Variants in AJAP1 observed in about 807,000 individuals in gnomAD.
AJAP1 encodes the protein adherens junctions associated protein 1.
In AJAP1, 5 loss-of-function variants were observed where a neutral mutation model predicts 35.0. That is an observed-to-expected ratio of 0.14 (90% CI 0.07 to 0.30). The LOEUF is 0.30. AJAP1 is among the 10% of genes least tolerant of loss of function. The pLI is 1.00. For synonymous variants in AJAP1, 284 were observed against 249.3 expected, an observed-to-expected ratio of 1.14 and a Z score of -1.31; for missense variants, 586 against 571.0, an observed-to-expected ratio of 1.03 and a Z score of -0.27.
chr1:4,774,557 C>T lies in AJAP1; in HGVS notation c.*58C>T, dbSNP rs548574270. 5.3e-5 allele frequency: 79 copies of T among 1,504,200 alleles called. No homozygotes were observed. Among genetic ancestry groups the T allele is most frequent in the East Asian group, 2.3e-4 (10 of 44,316 alleles). The allele number at this position is 1,504,200 out of a possible 1,614,324, so 93.2% of individuals were successfully genotyped here. A position where few individuals can be genotyped will look rare whatever the true frequency, so the allele number is the denominator to read the frequency against. On this transcript the variant is annotated splice_region_variant and 3_prime_UTR_variant, in exon 5 of 6. Coordinates refer to ENST00000378191, the MANE Select transcript of AJAP1 (RefSeq NM_018836.4). ...GGGCAGACGCCGTGTGTCTGTTTCA[C>T]GGTAGGTACCTCTCTTTGGACATTC...
chr1:4,719,637 G>T (rs242041), intron 2 of AJAP1, among the ~76,000 whole-genome samples: 2 of 151,868 alleles, frequency 1.3e-5, no homozygotes, highest in South Asian at 2.1e-4. Context: ...TCCACCTCCC[G>T]GCAGCTCAGT....
intron 1 of AJAP1, among the ~76,000 whole-genome samples, chr1:4,657,965 C>A (rs1213604783): frequency 6.6e-6 from 1 of 152,112 alleles, no homozygotes; most frequent in African/African-American, 2.4e-5. Context: ...CGGAAGGAGA[C>A]CCAGTGGCTT....
intron 1 of AJAP1, among the ~76,000 whole-genome samples, chr1:4,670,018 C>T (rs1440657961): frequency 1.3e-5 from 2 of 152,150 alleles, no homozygotes; most frequent in African/African-American, 4.8e-5. Flanking sequence ...TTTGGAAGTT[C>T]CCATGGTTTT....
At chr1:4,704,878 G>A (rs891691253) in intron 1 of AJAP1, among the ~76,000 whole-genome samples, 2 of 152,150 alleles carry the variant, frequency 1.3e-5, no homozygotes, top group African/African-American at 4.8e-5. Flanking sequence ...ATCTCATTGT[G>A]GTTTTGATTT....
At chr1:4,771,744 C>T (rs965813497) in intron 3 of AJAP1, among the ~76,000 whole-genome samples, 6 of 152,262 alleles carry the variant, frequency 3.9e-5, no homozygotes, top group East Asian at 3.9e-4. Context: ...CAAGCCAGCT[C>T]GTCATTTCCA....
At chr1:4,738,251 G>A (rs1334418762) in intron 2 of AJAP1, among the ~76,000 whole-genome samples, 1 of 152,242 alleles carries the variant, frequency 6.6e-6, no homozygotes, top group Non-Finnish European at 1.5e-5. Context: ...CTCTCATGGG[G>A]CTAGCAGGCC....
Position 4,787,958 on chromosome 1 carries a change from C to G in AJAP1, c.*5473C>G. On this transcript the variant is annotated 3_prime_UTR_variant, in exon 6 of 6. Coordinates refer to ENST00000378191, the MANE Select transcript of AJAP1 (RefSeq NM_018836.4). ...GATTCATGTAATTTTTGAGTGGTTA[C>G]TTTGGTGCAGTTTGTCAATTTGCTC... 1 of 330,646 alleles carries G rather than the reference C, an allele frequency of 3.0e-6. No individual in the cohort carries two copies. The highest frequency in any genetic ancestry group is 6.1e-6 in the Non-Finnish European group (1 of 164,816). The allele number at this position is 330,646 out of a possible 1,614,324, so 20.5% of individuals were successfully genotyped here. A position where few individuals can be genotyped will look rare whatever the true frequency, so the allele number is the denominator to read the frequency against.
rs1393277529 is a variant in AJAP1, at chr1:4,692,823, T to C, written c.30-19077T>C. On this transcript the variant is annotated intron_variant, in intron 1 of 5. Coordinates refer to ENST00000378191, the MANE Select transcript of AJAP1 (RefSeq NM_018836.4). This position sits in a 1 kb window ranked among gnomAD's most constrained non-coding sequence, Gnocchi z 4.4. ...TGAACTCCCCATCTGGGTTCCTCTGTCTGTTGGCCCACGAACAGGCATTAA... is the reference window on the plus strand; with the variant it reads ...TGAACTCCCCATCTGGGTTCCTCTGCCTGTTGGCCCACGAACAGGCATTAA... Among the ~76,000 whole-genome samples, 1 of 152,132 alleles carries C rather than the reference T, an allele frequency of 6.6e-6. No individual in the cohort carries two copies. The highest frequency in any genetic ancestry group is 1.5e-5 in the Non-Finnish European group (1 of 68,024).
At chr1:4,671,489 G>A (rs1465631663) in intron 1 of AJAP1, among the ~76,000 whole-genome samples, 2 of 151,996 alleles carry the variant, frequency 1.3e-5, no homozygotes, top group Non-Finnish European at 2.9e-5. Flanking sequence ...CCAGGGCCCT[G>A]TGGTCTTTCT....
At chr1:4,701,032 A>C (rs1639975406) in intron 1 of AJAP1, among the ~76,000 whole-genome samples, 1 of 151,692 alleles carries the variant, frequency 6.6e-6, no homozygotes, top group Admixed American at 6.6e-5. Context: ...TCACCACTTC[A>C]CTCCTCCAGA....
chr1:4,666,131 CTG>C (rs1639111781), intron 1 of AJAP1, among the ~76,000 whole-genome samples: 1 of 149,516 alleles, frequency 6.7e-6, no homozygotes, highest in Admixed American at 6.6e-5. Context: ...AAATAGCCCA[CTG>C]AGGCTCCTCC....
chr1:4,729,633 T>C (rs538179549), intron 2 of AJAP1, among the ~76,000 whole-genome samples: 2 of 72,742 alleles, frequency 2.7e-5, no homozygotes, highest in African/African-American at 1.0e-4. Flanking sequence ...TGCGTGTCTG[T>C]GTCCAAAGTT....
In AJAP1 at chr1:4,692,029, C is replaced by T. The variant is rs920131619; in HGVS notation, c.30-19871C>T. On this transcript the variant is annotated intron_variant, in intron 1 of 5. Transcript: ENST00000378191. The surrounding 1 kb of genome is among the most constrained non-coding windows in gnomAD (Gnocchi z 4.4). ...GCCAAGAACAGCCTTTGCCCCAGGC[C>T]GGGTGTCCCTGAGACTGGCCGAGGC... 2.0e-5 allele frequency among the ~76,000 whole-genome samples: 3 copies of T among 152,270 alleles called. No homozygotes were observed. Among genetic ancestry groups the T allele is most frequent in the Non-Finnish European group, 2.9e-5 (2 of 68,008 alleles).
intron 1 of AJAP1, among the ~76,000 whole-genome samples, chr1:4,689,709 C>T (rs576071259): frequency 5.9e-5 from 9 of 152,300 alleles, no homozygotes; most frequent in East Asian, 3.9e-4. Flanking sequence ...CATGAGCATC[C>T]GGCATGAGCA....
chr1:4,767,940 G>T (rs1193959801), intron 2 of AJAP1, among the ~76,000 whole-genome samples: 1 of 152,204 alleles, frequency 6.6e-6, no homozygotes, highest in Non-Finnish European at 1.5e-5. Context: ...GTCTGAGTTG[G>T]GTCTCAGGAA....
chr1:4,733,687 C>T (rs191834977), intron 2 of AJAP1, among the ~76,000 whole-genome samples: 5 of 151,996 alleles, frequency 3.3e-5, no homozygotes, highest in East Asian at 1.9e-4. Flanking sequence ...TGGGAGGATT[C>T]GGTTCATCCT....
chr1:4,732,431 A>T (rs1234785777), intron 2 of AJAP1, among the ~76,000 whole-genome samples: 5 of 152,388 alleles, frequency 3.3e-5, no homozygotes, highest in African/African-American at 1.2e-4. Flanking sequence ...GGGACCTCCA[A>T]GCTACCCTGC....
chr1:4,700,932 C>A (rs755175074), intron 1 of AJAP1, among the ~76,000 whole-genome samples: 2 of 152,186 alleles, frequency 1.3e-5, no homozygotes, highest in Admixed American at 6.5e-5. Flanking sequence ...CGGGGCCCAG[C>A]AGCAGAGGCT....
At chr1:4,770,664 T>G (rs1178984288) in intron 3 of AJAP1, among the ~76,000 whole-genome samples, 2 of 151,800 alleles carry the variant, frequency 1.3e-5, no homozygotes, top group Non-Finnish European at 2.9e-5. Context: ...ACCCAAATGG[T>G]CCCCTTGCTG....
Sources: gnomAD v4.1 joint callset for allele counts (sites outside exome capture counted in the v4.1 genomes callset) on GRCh38, gnomAD v4.1.1 for gene constraint, Gnocchi (gnomAD v3.1) non-coding constraint, MANE v1.5 for transcripts, NCBI Gene and HGNC (gene_info 2026-07-23, HGNC 2026-07-21) for gene names.